The following ESRRG variants were observed in gnomAD, a reference collection of about 807,000 sequenced individuals.
The protein encoded by ESRRG is estrogen-related receptor gamma.
A neutral mutation model predicts 44.0 loss-of-function variants in ESRRG; 13 were observed. The observed-to-expected ratio is 0.30, with a 90% CI of 0.19 to 0.47. The LOEUF is 0.47. ESRRG is among the 20% of genes least tolerant of loss of function. The pLI, the probability that ESRRG is intolerant of heterozygous loss-of-function variation, is 1.00. For synonymous variants in ESRRG, 215 were observed against 214.6 expected, an observed-to-expected ratio of 1.00 and a Z score of -0.02; for missense variants, 395 against 580.6, an observed-to-expected ratio of 0.68 and a Z score of 3.29.
At chr1:216,520,333 T>C (rs1385900559) in intron 5 of ESRRG, among the ~76,000 whole-genome samples, 2 of 152,190 alleles carry the variant, frequency 1.3e-5, no homozygotes, top group African/African-American at 4.8e-5. Flanking sequence ...TGTTGTTGTA[T>C]GATTAATATA....
chr1:216,978,841 T>C (rs1014159524), intron 1 of ESRRG, among the ~76,000 whole-genome samples: 2 of 152,152 alleles, frequency 1.3e-5, no homozygotes, highest in African/African-American at 4.8e-5. Context: ...GTCTCTTTCC[T>C]TTATTGTCCT....
At chr1:216,827,619 T>C (rs2095419209) in intron 2 of ESRRG, among the ~76,000 whole-genome samples, 1 of 152,234 alleles carries the variant, frequency 6.6e-6, no homozygotes, top group African/African-American at 2.4e-5. Context: ...TGTAATTCAT[T>C]TGACCTCTTA....
chr1:216,831,591 A>T, intron 2 of ESRRG, among the ~76,000 whole-genome samples: 1 of 152,244 alleles, frequency 6.6e-6, no homozygotes, highest in South Asian at 2.1e-4. Context: ...ATTACTAAAT[A>T]CTAATAGAAA....
At chr1:216,905,923 G>A (rs2059632540) in intron 2 of ESRRG, among the ~76,000 whole-genome samples, 1 of 151,986 alleles carries the variant, frequency 6.6e-6, no homozygotes, top group Non-Finnish European at 1.5e-5. Context: ...GCTAATTTTT[G>A]TATATTTAGT....
intron 5 of ESRRG, among the ~76,000 whole-genome samples, chr1:216,524,898 G>T (rs2047168763): frequency 6.6e-6 from 1 of 152,112 alleles, no homozygotes; most frequent in Admixed American, 6.6e-5. Flanking sequence ...AAACGCAAAG[G>T]TAATATCTAC....
intron 2 of ESRRG, among the ~76,000 whole-genome samples, chr1:216,807,706 C>T (rs1408322273): frequency 2.3e-5 from 3 of 128,734 alleles, no homozygotes; most frequent in East Asian, 2.1e-4. Flanking sequence ...ATTCTCTACC[C>T]TTTGCCAATA....
At chr1:216,771,527 A>G (rs933335647) in intron 2 of ESRRG, among the ~76,000 whole-genome samples, 2 of 152,102 alleles carry the variant, frequency 1.3e-5, no homozygotes, top group African/African-American at 4.8e-5. Context: ...GAATTTGTCA[A>G]AATTTTGTAA....
chr1:216,869,067 G>C (rs546650336), intron 2 of ESRRG, among the ~76,000 whole-genome samples: 1 of 152,044 alleles, frequency 6.6e-6, no homozygotes, highest in South Asian at 2.1e-4. Flanking sequence ...AAATTTTGTT[G>C]GAGACCAATT....
chr1:216,703,164 C>A (rs577454307), intron 1 of ESRRG, among the ~76,000 whole-genome samples: 1 of 152,204 alleles, frequency 6.6e-6, no homozygotes, highest in Non-Finnish European at 1.5e-5. Flanking sequence ...AAATACTGAG[C>A]CAACTACTGT....
At chr1:217,067,300 G>C (rs2089887084) in intron 1 of ESRRG, among the ~76,000 whole-genome samples, 1 of 152,110 alleles carries the variant, frequency 6.6e-6, no homozygotes, top group African/African-American at 2.4e-5. Flanking sequence ...AAATTAAATT[G>C]ATTATTAAAT....
intron 1 of ESRRG, among the ~76,000 whole-genome samples, chr1:216,990,941 C>T (rs557551342): frequency 1.3e-5 from 2 of 152,102 alleles, no homozygotes; most frequent in East Asian, 3.9e-4. Flanking sequence ...CCCCAACTGC[C>T]CCCCAACCCC....
At chr1:216,520,239 T>C (rs190387010) in intron 5 of ESRRG, among the ~76,000 whole-genome samples, 146 of 152,236 alleles carry the variant, frequency 9.6e-4, no homozygotes, top group Admixed American at 3.8e-3. Flanking sequence ...GCAAGAGAAA[T>C]TAACTTGTCT....
intron 5 of ESRRG, among the ~76,000 whole-genome samples, chr1:216,548,106 C>T (rs1347675389): frequency 6.6e-6 from 1 of 151,954 alleles, no homozygotes; most frequent in African/African-American, 2.4e-5. Flanking sequence ...AAAAACAATG[C>T]CGGAAATCAA....
rs1348635439 is a variant in ESRRG, at chr1:216,503,978, C to T, written c.*2961G>A. ...TAGTGAGGTTTAAGATGAGCATTTACCCTAAAGCCCGTGCAGTTCTTTTTA... is the reference window on the plus strand; with the variant it reads ...TAGTGAGGTTTAAGATGAGCATTTATCCTAAAGCCCGTGCAGTTCTTTTTA... On this transcript the variant is annotated 3_prime_UTR_variant, in exon 7 of 7. Transcript: ENST00000408911. The T allele has an allele frequency of 6.6e-6, 1 of 152,538 alleles. No homozygotes were observed. The highest frequency in any genetic ancestry group is 6.5e-5 in the Admixed American group (1 of 15,270). 9.4% of individuals were successfully genotyped at this position (152,538 alleles called of 1,614,324 possible). A position where few individuals can be genotyped will look rare whatever the true frequency, so the allele number is the denominator to read the frequency against.
chr1:216,670,517 T>C (rs1198744939), intron 2 of ESRRG, among the ~76,000 whole-genome samples: 1 of 151,914 alleles, frequency 6.6e-6, no homozygotes, highest in African/African-American at 2.4e-5. Context: ...CCACTCAAAG[T>C]GTGAAGGGAA....
chr1:216,519,187 A>T lies in ESRRG; in HGVS notation c.1097T>A (p.Phe366Tyr). ...YKSMKLEKEEFVTLKAIALAN... is the reference protein window; with the variant it reads ...YKSMKLEKEEYVTLKAIALAN... ...AAGAGCTATAGCTTTGAGGGTGACA[A>T]ATTCTTCTTTTTCCAGCTTCATGCT... The change falls in exon 6 of 7, where the codon TTT becomes TAT. Residue 366 changes from phenylalanine to tyrosine, a missense_variant. By Grantham distance (22) the Phe-to-Tyr change is conservative. This residue lies in a region of ESRRG where 167 missense variants were observed against 251.8 expected (regional missense o/e 0.66). Transcript: ENST00000408911. 6.2e-7 allele frequency: 1 copy of T among 1,613,802 alleles called. No homozygotes were observed. The highest frequency in any genetic ancestry group is 8.5e-7 in the Non-Finnish European group (1 of 1,179,822).
intron 2 of ESRRG, among the ~76,000 whole-genome samples, chr1:216,931,116 C>A (rs1219297095): frequency 6.6e-6 from 1 of 152,104 alleles, no homozygotes; most frequent in Non-Finnish European, 1.5e-5. Context: ...AGTGAAGGGG[C>A]ACCTGTCACT....
chr1:216,836,093 C>CAAAAA (rs34241468), intron 2 of ESRRG, among the ~76,000 whole-genome samples: 4 of 97,754 alleles, frequency 4.1e-5, no homozygotes, highest in South Asian at 3.5e-4. Context: ...GCTGCGATTT[C>CAAAAA]AAAAAAAAAA....
At chr1:217,091,255 A>G (rs532931810), upstream of ESRRG, among the ~76,000 whole-genome samples, 1 of 152,334 alleles carries the variant, frequency 6.6e-6, no homozygotes, top group African/African-American at 2.4e-5. Flanking sequence ...TACTAATTCC[A>G]AATTCCTAAA....
Sources: gnomAD v4.1 joint callset for allele counts (sites outside exome capture counted in the v4.1 genomes callset) on GRCh38, gnomAD v4.1.1 for gene constraint, gnomAD v4.1.1 regional missense constraint, MANE v1.5 for transcripts, NCBI Gene and HGNC (gene_info 2026-07-23, HGNC 2026-07-21) for gene names.